The following MMP26 variants were observed in gnomAD, a reference collection of about 807,000 sequenced individuals.
The protein encoded by MMP26 is matrix metalloproteinase-26.
In MMP26, 33 loss-of-function variants were observed where a neutral mutation model predicts 31.0. The ratio of observed to expected loss-of-function variants is 1.06; its 90% CI spans 0.81 to 1.42. The LOEUF (loss-of-function observed/expected upper bound fraction) is 1.42, where lower values mean the gene tolerates loss of function less well. Among genes scored for constraint, MMP26 ranks in the 40% most tolerant of loss-of-function variants. The pLI is 0.00. For synonymous variants in MMP26, 122 were observed against 114.9 expected (o/e 1.06, Z -0.40); for missense variants, 347 against 316.1 (o/e 1.10, Z -0.74).
intron 2 of MMP26, chr11:4,915,700 A>G: frequency 1.3e-6 from 2 of 1,485,690 alleles, no homozygotes; most frequent in South Asian, 1.2e-5. Context: ...GGTGCCCTCC[A>G]AAATCCTGAA....
At chr11:4,742,662 G>A (rs897652310) in intron 1 of MMP26, among the ~76,000 whole-genome samples, 6 of 152,048 alleles carry the variant, frequency 3.9e-5, no homozygotes, top group South Asian at 2.1e-4. Context: ...GGGTAATATA[G>A]TTTGAAAGAA....
At chr11:4,983,451 T>C (rs1454071546) in intron 2 of MMP26, among the ~76,000 whole-genome samples, 1 of 152,200 alleles carries the variant, frequency 6.6e-6, no homozygotes, top group Non-Finnish European at 1.5e-5. Flanking sequence ...CACCCACTCT[T>C]TACCTGAGTA....
chr11:4,988,449 CTA>C, intron 3 of MMP26, 139 bp downstream of exon 3: 1 of 720,452 alleles, frequency 1.4e-6, no homozygotes, highest in South Asian at 1.7e-5. Context: ...TTTATTCTAT[CTA>C]TGTGTTCATT....
intron 2 of MMP26, among the ~76,000 whole-genome samples, chr11:4,831,933 G>T (rs934527821): frequency 6.6e-6 from 1 of 152,158 alleles, no homozygotes; most frequent in Non-Finnish European, 1.5e-5. Context: ...ATCCTGTGAT[G>T]AACCTGTTTA....
chr11:4,918,223 C>G (rs1851127433), intron 2 of MMP26, among the ~76,000 whole-genome samples: 1 of 152,102 alleles, frequency 6.6e-6, no homozygotes, highest in African/African-American at 2.4e-5. Flanking sequence ...ATCTCTATAG[C>G]TTCAAGGCAC....
At chr11:4,899,033 G>A (rs16907084) in intron 2 of MMP26, among the ~76,000 whole-genome samples, 14,839 of 152,084 alleles carry the variant, frequency 0.098, 1,119 homozygotes, top group East Asian at 0.32. Flanking sequence ...TTGAAGCAAA[G>A]TCTCTGTACC....
At chr11:4,897,811 A>G (rs1365809743) in intron 2 of MMP26, among the ~76,000 whole-genome samples, 2 of 151,590 alleles carry the variant, frequency 1.3e-5, no homozygotes, top group East Asian at 1.9e-4. Flanking sequence ...TTTATCCTGT[A>G]TGTAATTATT....
chr11:4,956,968 G>A (rs1191775365), intron 2 of MMP26, among the ~76,000 whole-genome samples: 1 of 152,064 alleles, frequency 6.6e-6, no homozygotes, highest in Non-Finnish European at 1.5e-5. Flanking sequence ...ATATAATCAA[G>A]TTATATCATT....
At chr11:4,908,717 A>G in intron 2 of MMP26, 1 of 179,204 alleles carries the variant, frequency 5.6e-6, no homozygotes, top group Non-Finnish European at 1.2e-5. Context: ...ATCTGATTAC[A>G]ATAGAAAGTG....
intron 2 of MMP26, among the ~76,000 whole-genome samples, chr11:4,925,751 C>A (rs553353943): frequency 2.1e-5 from 3 of 144,614 alleles, no homozygotes; most frequent in African/African-American, 5.1e-5. Flanking sequence ...TCAATAAAAC[C>A]AAGCCACCAC....
At chr11:4,838,356 A>AAAG (rs1849749308) in intron 2 of MMP26, among the ~76,000 whole-genome samples, 1 of 132,714 alleles carries the variant, frequency 7.5e-6, no homozygotes, top group African/African-American at 2.9e-5. Flanking sequence ...AAAAAAAAAA[A>AAAG]GTATGATATG....
intron 1 of MMP26, among the ~76,000 whole-genome samples, chr11:4,750,048 T>G (rs1278048540): frequency 1.3e-5 from 2 of 152,142 alleles, no homozygotes; most frequent in South Asian, 2.1e-4. Flanking sequence ...AAATGACTAA[T>G]ATTCAGAATC....
At chr11:4,970,022 G>T (rs1846644608) in intron 2 of MMP26, among the ~76,000 whole-genome samples, 1 of 151,956 alleles carries the variant, frequency 6.6e-6, no homozygotes, top group African/African-American at 2.4e-5. Context: ...TTCAGAAGTA[G>T]AAAAATATTG....
At position 4,885,694 on chromosome 11, in the gene MMP26, CA is replaced by C. The variant is rs776351415; in HGVS notation, c.-144-102371del. ...TATAGCCTAATCTTTTTTTAATAAA[CA>C]AACACATGGGCATACATATGTATAC... is the stretch of plus-strand genomic sequence containing the variant. On this transcript the variant is annotated intron_variant, in intron 2 of 7. Coordinates refer to ENST00000380390, the MANE Select transcript of MMP26 (RefSeq NM_021801.5). Among the ~76,000 whole-genome samples the C allele has an allele frequency of 3.9e-5, 6 of 152,090 alleles. No individual in the cohort carries two copies. The South Asian group carries it at 1.0e-3, about 26-fold the overall frequency.
intron 2 of MMP26, among the ~76,000 whole-genome samples, chr11:4,867,022 A>G (rs1464202757): frequency 6.6e-6 from 1 of 152,096 alleles, no homozygotes; most frequent in Non-Finnish European, 1.5e-5. Context: ...CATAGGCATG[A>G]GGAACGATTT....
At position 4,829,002 on chromosome 11, in the gene MMP26, C is replaced by T. The variant is rs908444288; in HGVS notation, c.-145+61661C>T. 3.3e-5 allele frequency among the ~76,000 whole-genome samples: 5 copies of T among 152,212 alleles called. No homozygotes were observed. The East Asian group carries it at 9.6e-4, about 29-fold the overall frequency. ...GTTTCAGTGCTGCCTCTACCCAAGT[C>T]CAGTGAAGCCTTGAGTCTAGGGGAC... On this transcript the variant is annotated intron_variant, in intron 2 of 7. Transcript: ENST00000380390.
At chr11:4,756,061 G>A (rs1183363152) in intron 1 of MMP26, among the ~76,000 whole-genome samples, 3 of 151,864 alleles carry the variant, frequency 2.0e-5, no homozygotes, top group Non-Finnish European at 2.9e-5. Context: ...CATCCTTAAG[G>A]TAATGTAGGT....
chr11:4,930,089 T>C (rs1851325403), intron 2 of MMP26, among the ~76,000 whole-genome samples: 1 of 152,148 alleles, frequency 6.6e-6, no homozygotes, highest in African/African-American at 2.4e-5. Flanking sequence ...ACATTTATAG[T>C]AACCAAATTA....
At chr11:4,743,454 C>T (rs1177446161) in intron 1 of MMP26, among the ~76,000 whole-genome samples, 1 of 152,126 alleles carries the variant, frequency 6.6e-6, no homozygotes, top group Non-Finnish European at 1.5e-5. Flanking sequence ...CTTAGATTAG[C>T]TTTGCTCATT....
Sources: allele counts gnomAD v4.1 joint callset (sites outside exome capture counted in the v4.1 genomes callset), GRCh38; gene constraint gnomAD v4.1.1; transcripts MANE v1.5; gene names NCBI Gene and HGNC (gene_info 2026-07-23, HGNC 2026-07-21).